Variants in CCNY observed in about 807,000 individuals in gnomAD.
CCNY encodes the protein cyclin Y, also known as cyclin-Y.
CCNY carries 19 observed loss-of-function variants against 42.8 expected under a neutral mutation model. The ratio of observed to expected loss-of-function variants is 0.44; its 90% CI spans 0.31 to 0.65. CCNY has a LOEUF of 0.65. Ranked by LOEUF, CCNY falls within the 30% of genes least tolerant of loss-of-function variation. CCNY has a pLI of 0.07. For synonymous variants in CCNY, 165 were observed against 162.7 expected (o/e 1.01, Z -0.11); for missense variants, 370 against 437.3 (o/e 0.85, Z 1.37).
rs556333966 is a variant in CCNY, at chr10:35,493,197, C to T, written c.230-8304C>T. Among the ~76,000 whole-genome samples, 26 of 152,280 alleles carry T rather than the reference C, an allele frequency of 1.7e-4. No homozygotes were observed. In the South Asian group the frequency reaches 1.9e-3, roughly 11 times the overall value. ...TTAGACCCAGAATGTCAGTTTTCTC[C>T]GTACCTTTTATCATATCCTCTCTCC... On this transcript the variant is annotated intron_variant, in intron 2 of 9. Transcript: ENST00000374704.
chr10:35,332,896 G>A (rs773356170), upstream of CCNY, among the ~76,000 whole-genome samples: 14 of 152,246 alleles, frequency 9.2e-5, no homozygotes, highest in East Asian at 3.9e-4. Flanking sequence ...GAACCACCGC[G>A]CCCGGCCCAC....
rs1207381634 is a variant in CCNY, at chr10:35,530,030, G to A, written c.459G>A (p.Ser153=). The A allele has an allele frequency of 1.2e-6, 2 of 1,613,924 alleles. No individual in the cohort carries two copies. The change falls in exon 6 of 10, where the codon TCG becomes TCA. Residue 153 remains serine, a splice_region_variant and synonymous_variant. Transcript: ENST00000374704. The surrounding 1 kb of genome is among the most constrained non-coding windows in gnomAD (Gnocchi z 4.3). ...DIFDENLHPL[S]KSEVPPDYDK... The stretch of plus-strand genomic sequence containing the variant: ...TTGATGAAAATCTTCACCCTCTTTC[G>A]GTAATCTCCTCCGTGTGTTTCATGA...
intron 3 of CCNY, among the ~76,000 whole-genome samples, chr10:35,307,818 A>AT (rs1241404700): frequency 0.014 from 1,306 of 96,080 alleles, 41 homozygotes; most frequent in Admixed American, 0.027. Context: ...ATATATATAT[A>AT]TTTTTTTTTT....
rs189752001 is a variant in CCNY, at chr10:35,550,419, C to A, written c.580-2600C>A. ...ATGGTCTTTTTATCCTTAATCTGCC[C>A]GGAGTTTTGCTTCCATTAAGGATTG... On this transcript the variant is annotated intron_variant, in intron 7 of 9. Coordinates refer to ENST00000374704, the MANE Select transcript of CCNY (RefSeq NM_145012.6). 2.0e-4 allele frequency among the ~76,000 whole-genome samples: 30 copies of A among 152,088 alleles called. 1 individual carries two copies. The highest frequency in any genetic ancestry group is 1.9e-3 in the Admixed American group (29 of 15,272).
chr10:35,510,350 C>T (rs1243607589), intron 3 of CCNY, among the ~76,000 whole-genome samples: 2 of 152,054 alleles, frequency 1.3e-5, no homozygotes, highest in African/African-American at 4.8e-5. Flanking sequence ...GGGTAGCTGG[C>T]ACCACAGGCA....
At chr10:35,355,452 T>C (rs992937563) in intron 1 of CCNY, among the ~76,000 whole-genome samples, 2 of 151,026 alleles carry the variant, frequency 1.3e-5, no homozygotes, top group African/African-American at 4.9e-5. Flanking sequence ...CAGAGGCGGG[T>C]GGATCACCTG....
In CCNY at chr10:35,570,030, T is replaced by C. The variant is rs1841655541; in HGVS notation, c.*860T>C. ...CTGAAGGACACGGTGCAGCAGAGGG[T>C]GTCCCTGTGAGAGTTCTGCAGAGTG... On this transcript the variant is annotated 3_prime_UTR_variant, in exon 10 of 10. Transcript: ENST00000374704. The C allele has an allele frequency of 6.6e-6, 1 of 152,666 alleles. No individual in the cohort carries two copies. The highest frequency in any genetic ancestry group is 1.5e-5 in the Non-Finnish European group (1 of 68,048). The allele number at this position is 152,666 out of a possible 1,614,324, so 9.5% of individuals were successfully genotyped here.
intron 1 of CCNY, among the ~76,000 whole-genome samples, chr10:35,478,437 A>G (rs1839573403): frequency 6.6e-6 from 1 of 151,510 alleles, no homozygotes; most frequent in African/African-American, 2.4e-5. Flanking sequence ...GTACCAAAAC[A>G]GAGATATAGA....
At chr10:35,358,572 G>A (rs1000371277) in intron 1 of CCNY, among the ~76,000 whole-genome samples, 3 of 152,124 alleles carry the variant, frequency 2.0e-5, no homozygotes, top group African/African-American at 4.8e-5. Context: ...GTAGTGAGTC[G>A]GTGCCATTTA....
At chr10:35,375,322 G>T (rs960994074) in intron 1 of CCNY, among the ~76,000 whole-genome samples, 1 of 152,102 alleles carries the variant, frequency 6.6e-6, no homozygotes, top group Non-Finnish European at 1.5e-5. Flanking sequence ...TTGGCTTCAG[G>T]CCCTTCCTCC....
At chr10:35,354,438 G>A (rs1229496024) in intron 1 of CCNY, among the ~76,000 whole-genome samples, 1 of 152,128 alleles carries the variant, frequency 6.6e-6, no homozygotes, top group African/African-American at 2.4e-5. Context: ...GTCCGTCTTG[G>A]CGTCCCAAAG....
At chr10:35,550,697 A>G (rs1200120597) in intron 7 of CCNY, among the ~76,000 whole-genome samples, 1 of 152,118 alleles carries the variant, frequency 6.6e-6, no homozygotes, top group African/African-American at 2.4e-5. Context: ...GGCACTTGCA[A>G]ACACAGCTTT....
At chr10:35,428,367 G>A (rs1838314950) in intron 1 of CCNY, among the ~76,000 whole-genome samples, 1 of 152,158 alleles carries the variant, frequency 6.6e-6, no homozygotes, top group African/African-American at 2.4e-5. Context: ...TGGTGGTAGG[G>A]GGTGTTCTGG....
chr10:35,529,868 T>TC (rs1204518657), intron 5 of CCNY, 105 bp from the exon 6 acceptor site: 3 of 1,056,700 alleles, frequency 2.8e-6, no homozygotes, highest in East Asian at 2.5e-5. Flanking sequence ...AGACTCCGTA[T>TC]CCCAAAAAAA....
At chr10:35,408,540 G>A (rs545289938) in intron 1 of CCNY, among the ~76,000 whole-genome samples, 1 of 151,982 alleles carries the variant, frequency 6.6e-6, no homozygotes, top group East Asian at 1.9e-4. Flanking sequence ...TTAAGGGTGG[G>A]GGAGATTATG....
intron 7 of CCNY, among the ~76,000 whole-genome samples, chr10:35,537,136 G>A (rs1005253726): frequency 2.6e-5 from 4 of 152,164 alleles, no homozygotes; most frequent in Non-Finnish European, 4.4e-5. Flanking sequence ...GGCACAGCTC[G>A]GGCTGTTGCT....
At chr10:35,317,864 G>C (rs1169540339) in intron 3 of CCNY, among the ~76,000 whole-genome samples, 1 of 121,716 alleles carries the variant, frequency 8.2e-6, no homozygotes, top group East Asian at 2.5e-4. Context: ...CATCTAGAGA[G>C]ACTTTCCCTT....
chr10:35,318,720 C>T (rs868272741), intron 3 of CCNY, among the ~76,000 whole-genome samples: 18 of 151,224 alleles, frequency 1.2e-4, no homozygotes, highest in South Asian at 6.3e-4. Flanking sequence ...AACAGCAATG[C>T]GGTGATTCGA....
intron 7 of CCNY, among the ~76,000 whole-genome samples, chr10:35,533,221 C>A (rs986789818): frequency 6.6e-5 from 10 of 152,172 alleles, no homozygotes; most frequent in African/African-American, 2.2e-4. Flanking sequence ...TGACTGGCCC[C>A]AGTTCCTTTG....
Sources: allele counts gnomAD v4.1 joint callset (sites outside exome capture counted in the v4.1 genomes callset), GRCh38; gene constraint gnomAD v4.1.1; non-coding constraint Gnocchi (gnomAD v3.1); transcripts MANE v1.5; gene names NCBI Gene and HGNC (gene_info 2026-07-23, HGNC 2026-07-21).